The following COQ8A variants were observed in gnomAD, a reference collection of about 807,000 sequenced individuals.
COQ8A encodes atypical kinase COQ8A, mitochondrial.
A neutral mutation model predicts 65.0 loss-of-function variants in COQ8A; 51 were observed. The ratio of observed to expected loss-of-function variants is 0.78; its 90% CI spans 0.63 to 0.99. The LOEUF (loss-of-function observed/expected upper bound fraction) is 0.99. COQ8A is among the 50% of genes least tolerant of loss of function. The probability of loss-of-function intolerance (pLI) is 0.00; values close to 1 mark genes in which losing one functional copy is unlikely to be tolerated. For synonymous variants in COQ8A, 371 were observed against 353.2 expected, an observed-to-expected ratio of 1.05 and a Z score of -0.57; for missense variants, 940 against 875.0, an observed-to-expected ratio of 1.07 and a Z score of -0.94.
intron 4 of COQ8A, among the ~76,000 whole-genome samples, chr1:226,967,509 A>G (rs1274863408): frequency 2.6e-5 from 4 of 152,360 alleles, no homozygotes; most frequent in African/African-American, 9.6e-5. Context: ...GAAAGTCTTG[A>G]TGGTGAATTA....
chr1:226,985,086 G>C, intron 13 of COQ8A, 145 bp downstream of exon 13: 1 of 1,307,274 alleles, frequency 7.6e-7, no homozygotes, highest in Non-Finnish European at 1.1e-6. Flanking sequence ...GGTGACAGCA[G>C]GCAGTTAGGC....
chr1:226,982,924 T>C lies in COQ8A; in HGVS notation c.970T>C (p.Trp324Arg). The C allele has an allele frequency of 6.2e-7, 1 of 1,612,338 alleles. No homozygotes were observed. The highest frequency in any genetic ancestry group is 8.5e-7 in the Non-Finnish European group (1 of 1,179,662). Reference sequence around the variant, plus strand: ...TCTCAACAACGACCTGGGCCCCAACTGGCGGGACAAGTTGGAATACTTCGA... The same window carrying C: ...TCTCAACAACGACCTGGGCCCCAACCGGCGGGACAAGTTGGAATACTTCGA... ...KTLNNDLGPNWRDKLEYFEER... is the reference protein window; with the variant it reads ...KTLNNDLGPNRRDKLEYFEER... Residue 324 changes from tryptophan to arginine, a missense_variant, in exon 8 of 15, where the codon TGG becomes CGG. Trp to Arg is a moderately radical substitution (Grantham distance 101). Transcript: ENST00000366777.
chr1:226,952,102 G>A (rs191405149), intron 1 of COQ8A, among the ~76,000 whole-genome samples: 58 of 152,330 alleles, frequency 3.8e-4, no homozygotes, highest in African/African-American at 1.3e-3. Context: ...CATTAGGGAA[G>A]GCAGGCAGAC....
chr1:226,985,141 G>A, intron 13 of COQ8A, 113 bp from the exon 14 acceptor site: 1 of 1,328,066 alleles, frequency 7.5e-7, no homozygotes, highest in Non-Finnish European at 1.1e-6. Flanking sequence ...CGGGGGCCCT[G>A]TGCAGGGAGA....
chr1:226,943,141 TCTC>T (rs1656803988), intron 1 of COQ8A, among the ~76,000 whole-genome samples: 2 of 152,316 alleles, frequency 1.3e-5, no homozygotes, highest in East Asian at 1.9e-4. Context: ...GAAGGTCACT[TCTC>T]CTTTCTCAAA....
chr1:226,960,328 A>G (rs1160682869), intron 1 of COQ8A, among the ~76,000 whole-genome samples: 21 of 1,064 alleles, frequency 0.02, no homozygotes, highest in South Asian at 0.045. Flanking sequence ...TGGTGGTGGT[A>G]TCAGTGGTAC....
intron 1 of COQ8A, among the ~76,000 whole-genome samples, chr1:226,950,156 T>C (rs1657288328): frequency 6.6e-6 from 1 of 152,226 alleles, no homozygotes. Context: ...TGGGACCCTC[T>C]GTTGCCTGCC....
intron 1 of COQ8A, among the ~76,000 whole-genome samples, chr1:226,959,711 C>T (rs1234195263): frequency 1.3e-5 from 2 of 152,252 alleles, no homozygotes; most frequent in African/African-American, 4.8e-5. Flanking sequence ...CCCTATTGGG[C>T]CCTCCTTCCA....
At chr1:226,948,020 C>T (rs1047026975) in intron 1 of COQ8A, among the ~76,000 whole-genome samples, 4 of 152,142 alleles carry the variant, frequency 2.6e-5, no homozygotes, top group East Asian at 1.9e-4. Flanking sequence ...TAGAATACAG[C>T]CCCTCTCCCC....
At position 226,965,135 on chromosome 1, in the gene COQ8A, C is replaced by A; in HGVS notation, c.313C>A (p.Pro105Thr). The change falls in exon 3 of 15, where the codon CCA (proline) becomes ACA (threonine). Residue 105 changes from proline (P) to threonine (T), a missense_variant. Pro to Thr is a conservative substitution (Grantham distance 38). Transcript: ENST00000366777. ...CTCCGCTCCCGACCAGTCAGCGCCC[C>A]CATCCCTGGGTCATGCCCACAGCGA... is the stretch of plus-strand genomic sequence containing the variant. ...SASAPDQSAP[P>T]SLGHAHSEGP... 2 of 1,613,992 alleles carry A rather than the reference C, an allele frequency of 1.2e-6. No individual in the cohort carries two copies. Among genetic ancestry groups the A allele is most frequent in the Non-Finnish European group, 1.7e-6 (2 of 1,180,046 alleles).
intron 1 of COQ8A, among the ~76,000 whole-genome samples, chr1:226,950,377 G>T (rs1174721438): frequency 1.3e-5 from 2 of 152,194 alleles, no homozygotes; most frequent in East Asian, 1.9e-4. Context: ...GAGGTTTGCA[G>T]CCTGGGACAT....
intron 1 of COQ8A, among the ~76,000 whole-genome samples, chr1:226,960,494 G>GTACT (rs1658165521): frequency 5.1e-5 from 3 of 58,620 alleles, no homozygotes; most frequent in African/African-American, 1.3e-4. Flanking sequence ...CTTGGTGGTG[G>GTACT]TGGTGGTGCT....
intron 1 of COQ8A, among the ~76,000 whole-genome samples, chr1:226,957,035 C>G (rs1379439862): frequency 6.7e-6 from 1 of 148,678 alleles, no homozygotes; most frequent in Non-Finnish European, 1.5e-5. Context: ...CTCGTTCACA[C>G]TCTCCCTGGC....
intron 1 of COQ8A, among the ~76,000 whole-genome samples, chr1:226,943,993 C>T (rs891659562): frequency 2.6e-5 from 4 of 151,888 alleles, no homozygotes; most frequent in African/African-American, 9.7e-5. Flanking sequence ...GGCTCTGGCA[C>T]CCCAGGAGCC....
intron 1 of COQ8A, among the ~76,000 whole-genome samples, chr1:226,951,779 GAA>G (rs146522382): frequency 1.4e-5 from 2 of 146,384 alleles, no homozygotes; most frequent in African/African-American, 5.0e-5. Flanking sequence ...AGCCAAAAAA[GAA>G]AAAAAAAAGA....
At chr1:226,977,818 AC>A (rs1230605335) in intron 5 of COQ8A, among the ~76,000 whole-genome samples, 2 of 150,858 alleles carry the variant, frequency 1.3e-5, no homozygotes, top group Admixed American at 6.6e-5. Context: ...CACCTTACAC[AC>A]CCCCTGCACA....
intron 1 of COQ8A, among the ~76,000 whole-genome samples, chr1:226,941,839 G>A (rs933856380): frequency 1.3e-5 from 2 of 151,794 alleles, no homozygotes; most frequent in Admixed American, 6.6e-5. Context: ...CAAATGGTGC[G>A]GACTATGCAG....
intron 11 of COQ8A, 143 bp from the exon 12 acceptor site, chr1:226,984,404 TC>T: frequency 7.9e-7 from 1 of 1,273,798 alleles, no homozygotes; most frequent in Non-Finnish European, 1.1e-6. Flanking sequence ...GCTGCTGCCT[TC>T]CCTGGCCCAA....
rs1179196043 is a variant in COQ8A, at chr1:226,986,777, C to G, written c.*40C>G. On this transcript the variant is annotated 3_prime_UTR_variant, in exon 15 of 15. Transcript: ENST00000366777. Reference sequence around the variant, plus strand: ...CCCAGGCCGGCTCCGCGGGAACTCTCTCCCTCAGACAGGCCAAAAACCAGT... The same window carrying G: ...CCCAGGCCGGCTCCGCGGGAACTCTGTCCCTCAGACAGGCCAAAAACCAGT... The G allele has an allele frequency of 6.3e-7, 1 of 1,598,340 alleles. No individual in the cohort carries two copies. Among genetic ancestry groups the G allele is most frequent in the Non-Finnish European group, 8.5e-7 (1 of 1,176,128 alleles).
Sources: gnomAD v4.1 joint callset for allele counts (sites outside exome capture counted in the v4.1 genomes callset) on GRCh38, gnomAD v4.1.1 for gene constraint, MANE v1.5 for transcripts, NCBI Gene and HGNC (gene_info 2026-07-23, HGNC 2026-07-21) for gene names.